ANKRD6: variants seen among roughly 807,000 people sequenced by gnomAD.
ANKRD6 encodes the protein ankyrin repeat domain-containing protein 6.
Under a neutral mutation model 82.3 loss-of-function variants are expected in ANKRD6, and 56 were observed. The ratio of observed to expected loss-of-function variants is 0.68; its 90% CI spans 0.55 to 0.85. The LOEUF (loss-of-function observed/expected upper bound fraction) is 0.85. ANKRD6 is among the 40% of genes least tolerant of loss of function. The pLI is 0.00. For missense variants in ANKRD6, 852 were observed against 907.6 expected, an observed-to-expected ratio of 0.94 and a Z score of 0.79; for synonymous variants, 347 against 352.1, an observed-to-expected ratio of 0.99 and a Z score of 0.16.
intron 1 of ANKRD6, among the ~76,000 whole-genome samples, chr6:89,486,351 A>G (rs982370042): frequency 1.3e-5 from 2 of 152,128 alleles, no homozygotes; most frequent in Non-Finnish European, 2.9e-5. Flanking sequence ...AATTATATAA[A>G]TAAAAATATA....
chr6:89,443,133 T>C (rs981911006), intron 1 of ANKRD6, among the ~76,000 whole-genome samples: 7 of 152,210 alleles, frequency 4.6e-5, no homozygotes, highest in Admixed American at 2.0e-4. Flanking sequence ...GAATCTGTTT[T>C]GTCAGTTTGA....
At chr6:89,585,074 C>A (rs2128126415) in intron 2 of ANKRD6, among the ~76,000 whole-genome samples, 1 of 152,250 alleles carries the variant, frequency 6.6e-6, no homozygotes, top group South Asian at 2.1e-4. Flanking sequence ...CAGGGAGACA[C>A]AAACATTTAG....
intron 3 of ANKRD6, among the ~76,000 whole-genome samples, chr6:89,596,777 G>A (rs1796014839): frequency 6.6e-6 from 1 of 152,184 alleles, no homozygotes; most frequent in Admixed American, 6.5e-5. Context: ...TCTAAGAAAG[G>A]ACCATATAAA....
intron 1 of ANKRD6, among the ~76,000 whole-genome samples, chr6:89,446,843 T>C (rs1772144422): frequency 6.6e-6 from 1 of 152,234 alleles, no homozygotes; most frequent in African/African-American, 2.4e-5. Context: ...TAGTGAGTTC[T>C]CACGAGATTG....
intron 1 of ANKRD6, among the ~76,000 whole-genome samples, chr6:89,504,395 TCGCTCTCGCTCG>T (rs149131757): frequency 0.049 from 7,399 of 152,038 alleles, 253 homozygotes; most frequent in South Asian, 0.13. Context: ...AGTCTCTCTC[TCGCTCTCGCTCG>T]CGCTCTCGCT....
chr6:89,582,878 G>A (rs1014779532), intron 2 of ANKRD6, among the ~76,000 whole-genome samples: 6 of 152,186 alleles, frequency 3.9e-5, no homozygotes, highest in Non-Finnish European at 8.8e-5. Context: ...TCCATGCAAA[G>A]TGCTTAGAAC....
At chr6:89,508,856 A>G (rs1203737661) in intron 1 of ANKRD6, 1 of 152,172 alleles carries the variant, frequency 6.6e-6, no homozygotes, top group East Asian at 1.9e-4. Flanking sequence ...AATAGGCCCA[A>G]CTAGACAACA....
At chr6:89,505,510 C>T (rs1359670602) in intron 1 of ANKRD6, among the ~76,000 whole-genome samples, 1 of 152,212 alleles carries the variant, frequency 6.6e-6, no homozygotes, top group Non-Finnish European at 1.5e-5. Flanking sequence ...AGGACATTAA[C>T]TGGACCTGTA....
At chr6:89,613,144 G>T (rs1648569438) in intron 6 of ANKRD6, among the ~76,000 whole-genome samples, 1 of 152,150 alleles carries the variant, frequency 6.6e-6, no homozygotes, top group South Asian at 2.1e-4. Context: ...TTGTCTTTGT[G>T]GGAACAGGGT....
chr6:89,466,252 G>A (rs1774834014), intron 1 of ANKRD6, among the ~76,000 whole-genome samples: 4 of 152,160 alleles, frequency 2.6e-5, no homozygotes, highest in Admixed American at 1.3e-4. Flanking sequence ...TGAACCTTTA[G>A]GTGGTTCTAG....
At chr6:89,471,939 C>CAAAAAAAAA (rs749607605) in intron 1 of ANKRD6, among the ~76,000 whole-genome samples, 2 of 52,596 alleles carry the variant, frequency 3.8e-5, no homozygotes, top group African/African-American at 1.5e-4. Flanking sequence ...AACTCCATCT[C>CAAAAAAAAA]AAAAAAAAAA....
intron 1 of ANKRD6, among the ~76,000 whole-genome samples, chr6:89,516,889 G>A (rs995511986): frequency 3.3e-5 from 5 of 151,962 alleles, no homozygotes; most frequent in African/African-American, 1.2e-4. Flanking sequence ...GTTTTTTGGA[G>A]ACAGAGCTTT....
At chr6:89,440,408 G>T (rs1034220808) in intron 1 of ANKRD6, among the ~76,000 whole-genome samples, 1 of 152,192 alleles carries the variant, frequency 6.6e-6, no homozygotes, top group African/African-American at 2.4e-5. Context: ...GCCTTCTCTA[G>T]GCTGTTAAGG....
At chr6:89,598,421 G>C (rs1276099978) in intron 3 of ANKRD6, 12 of 985,324 alleles carry the variant, frequency 1.2e-5, no homozygotes, top group Non-Finnish European at 1.3e-5. Context: ...AGATCAGAGA[G>C]AGAAAAAGAG....
chr6:89,628,391 G>T (rs184430484), intron 14 of ANKRD6: 430 of 158,456 alleles, frequency 2.7e-3, no homozygotes, highest in African/African-American at 9.8e-3. Flanking sequence ...AGGGGAGCTG[G>T]TATGCACAGA....
At chr6:89,434,080 G>T (rs1770315371) in intron 1 of ANKRD6, among the ~76,000 whole-genome samples, 1 of 152,214 alleles carries the variant, frequency 6.6e-6, no homozygotes. Flanking sequence ...TTTCCCCCGC[G>T]AGGTAGCATG....
chr6:89,507,010 C>T (rs1214655154), intron 1 of ANKRD6, among the ~76,000 whole-genome samples: 2 of 152,224 alleles, frequency 1.3e-5, no homozygotes, highest in Non-Finnish European at 2.9e-5. Context: ...ATGCTAAACA[C>T]TGAATCCAAC....
At chr6:89,553,503 G>A (rs758660290) in intron 1 of ANKRD6, among the ~76,000 whole-genome samples, 4 of 152,180 alleles carry the variant, frequency 2.6e-5, no homozygotes, top group African/African-American at 4.8e-5. Flanking sequence ...GGAAGCAAAG[G>A]CTTCCCTTTG....
At chr6:89,486,065 T>A (rs1032203229) in intron 1 of ANKRD6, among the ~76,000 whole-genome samples, 2 of 152,214 alleles carry the variant, frequency 1.3e-5, no homozygotes, top group African/African-American at 4.8e-5. Flanking sequence ...AAAACATTTT[T>A]AAAAAATGGG....
Sources: allele counts gnomAD v4.1 joint callset (sites outside exome capture counted in the v4.1 genomes callset), GRCh38; gene constraint gnomAD v4.1.1; transcripts MANE v1.5; gene names NCBI Gene and HGNC (gene_info 2026-07-23, HGNC 2026-07-21).